The following ACOXL variants were observed in gnomAD, a reference collection of about 807,000 sequenced individuals.
The protein encoded by ACOXL is acyl-coenzyme A oxidase-like protein.
In ACOXL, 70 loss-of-function variants were observed where a neutral mutation model predicts 71.9. That is an observed-to-expected ratio of 0.97 (90% CI 0.80 to 1.19). The LOEUF (loss-of-function observed/expected upper bound fraction) is 1.19, where lower values mean the gene tolerates loss of function less well. Among genes scored for constraint, ACOXL ranks in the 50% most tolerant of loss-of-function variants. ACOXL has a pLI of 0.00. For synonymous variants in ACOXL, 253 were observed against 281.6 expected, an observed-to-expected ratio of 0.90 and a Z score of 1.02; for missense variants, 703 against 736.3, an observed-to-expected ratio of 0.95 and a Z score of 0.52.
rs746340058 is a variant in ACOXL at position 110,801,648 on chromosome 2, C to T, written c.548-4C>T. ...CATCCATTTCCCCTTTCTATTCTTG[C>T]CAGGTCTGCATGGTGTGGACAATGG... On this transcript the variant is annotated splice_polypyrimidine_tract_variant and splice_region_variant and intron_variant, in intron 7 of 17. Coordinates refer to ENST00000439055, the MANE Select transcript of ACOXL (RefSeq NM_001142807.4). 1.2e-6 allele frequency: 2 copies of T among 1,613,542 alleles called. No individual in the cohort carries two copies. Among genetic ancestry groups the T allele is most frequent in the South Asian group, 2.2e-5 (2 of 91,002 alleles).
At chr2:110,967,649 TGAAA>T (rs1458131221) in intron 12 of ACOXL, among the ~76,000 whole-genome samples, 5 of 152,198 alleles carry the variant, frequency 3.3e-5, no homozygotes, top group African/African-American at 1.2e-4. Context: ...GGGGAAAACC[TGAAA>T]GAAATGAAAG....
chr2:110,782,248 A>G (rs1449827290), intron 2 of ACOXL, among the ~76,000 whole-genome samples: 1 of 152,140 alleles, frequency 6.6e-6, no homozygotes. Context: ...TTGATTGATC[A>G]TTATCATCGT....
intron 10 of ACOXL, among the ~76,000 whole-genome samples, chr2:110,874,221 G>A (rs1319270828): frequency 6.6e-6 from 1 of 152,220 alleles, no homozygotes; most frequent in East Asian, 1.9e-4. Context: ...TGGGGGGGTG[G>A]TGAGGGGCTG....
chr2:110,800,716 T>G (rs1220937536), intron 7 of ACOXL, among the ~76,000 whole-genome samples: 1 of 152,068 alleles, frequency 6.6e-6, no homozygotes, highest in Non-Finnish European at 1.5e-5. Context: ...TCCTGGCCCC[T>G]TAGTGTTTAC....
intron 11 of ACOXL, among the ~76,000 whole-genome samples, chr2:110,920,648 T>C (rs2060031747): frequency 6.6e-6 from 1 of 152,160 alleles, no homozygotes; most frequent in African/African-American, 2.4e-5. Flanking sequence ...ATGTTCTTTT[T>C]TGAGAATTGT....
chr2:111,008,823 A>G (rs1186430387), intron 14 of ACOXL, among the ~76,000 whole-genome samples: 1 of 152,232 alleles, frequency 6.6e-6, no homozygotes, highest in African/African-American at 2.4e-5. Flanking sequence ...GATCAATGGT[A>G]ACTTCATGTA....
chr2:110,798,672 C>A lies in ACOXL; in HGVS notation c.408C>A (p.Tyr136Ter). The change falls in exon 6 of 18, where the codon TAC (tyrosine) becomes TAA (stop). Residue 136 changes from tyrosine (Y) to a stop codon, truncating the protein, a stop_gained. Transcript: ENST00000439055. LOFTEE classifies it high-confidence loss of function. Reference protein sequence around the residue: ...AEKMYIGNAMYGNYAAVFAQL... With the variant: ...AEKMYIGNAM ...AGATGTATATTGGAAATGCCATGTA[C>A]GGGAATTATGCAGCTGTCTTTGCCC... is the stretch of plus-strand genomic sequence containing the variant. 6.2e-7 allele frequency: 1 copy of A among 1,614,092 alleles called. No individual in the cohort carries two copies. The highest frequency in any genetic ancestry group is 8.5e-7 in the Non-Finnish European group (1 of 1,180,020).
At chr2:111,104,624 T>C (rs1331829880) in intron 17 of ACOXL, among the ~76,000 whole-genome samples, 1 of 152,240 alleles carries the variant, frequency 6.6e-6, no homozygotes, top group Non-Finnish European at 1.5e-5. Context: ...TTATTTGCCA[T>C]CTGTATGTTC....
chr2:110,914,192 G>GA (rs1459453387), intron 11 of ACOXL, among the ~76,000 whole-genome samples: 6 of 151,178 alleles, frequency 4.0e-5, no homozygotes, highest in Admixed American at 3.3e-4. Flanking sequence ...GAGAGAGGAG[G>GA]AAAAAAAAGA....
rs1267677970 is a variant in ACOXL at position 111,035,685 on chromosome 2, A to G, written c.1369+3971A>G. Among the ~76,000 whole-genome samples, 3 of 152,224 alleles carry G rather than the reference A, an allele frequency of 2.0e-5. No individual in the cohort carries two copies. The East Asian group carries it at 5.8e-4, about 29-fold the overall frequency. On this transcript the variant is annotated intron_variant, in intron 15 of 17. Coordinates refer to ENST00000439055, the MANE Select transcript of ACOXL (RefSeq NM_001142807.4). ...ATAATTAGAATATATAATAATGTGG[A>G]TTTCTGCCTATTGGGGATTAATTTC... is the stretch of plus-strand genomic sequence containing the variant.
At chr2:111,002,021 CTCTG>C in intron 14 of ACOXL, among the ~76,000 whole-genome samples, 1 of 151,872 alleles carries the variant, frequency 6.6e-6, no homozygotes, top group African/African-American at 2.4e-5. Context: ...GTCTCTCTGT[CTCTG>C]TCTTTCTCTC....
chr2:110,851,535 C>T (rs1692596850), intron 10 of ACOXL, among the ~76,000 whole-genome samples: 1 of 152,192 alleles, frequency 6.6e-6, no homozygotes, highest in Non-Finnish European at 1.5e-5. Context: ...CTAAGGCGTT[C>T]CACGACAACA....
At chr2:111,017,529 C>T (rs1027356068) in intron 14 of ACOXL, among the ~76,000 whole-genome samples, 4 of 152,166 alleles carry the variant, frequency 2.6e-5, no homozygotes, top group Non-Finnish European at 5.9e-5. Context: ...GGGGAGGAGG[C>T]ATTTAGAACC....
intron 10 of ACOXL, among the ~76,000 whole-genome samples, chr2:110,894,838 A>G (rs1359845668): frequency 1.3e-5 from 2 of 152,198 alleles, no homozygotes; most frequent in Non-Finnish European, 2.9e-5. Context: ...AGCAGTAATG[A>G]GGAGCCCAGC....
At chr2:110,751,078 C>T (rs1448522073) in intron 1 of ACOXL, among the ~76,000 whole-genome samples, 1 of 151,912 alleles carries the variant, frequency 6.6e-6, no homozygotes, top group Non-Finnish European at 1.5e-5. Flanking sequence ...GCAGGCGGAT[C>T]ATGAGGTCAG....
At chr2:110,935,940 C>A in intron 12 of ACOXL, among the ~76,000 whole-genome samples, 1 of 152,078 alleles carries the variant, frequency 6.6e-6, no homozygotes, top group East Asian at 1.9e-4. Context: ...TCATGAGGAG[C>A]GTGCAGATCT....
intron 10 of ACOXL, among the ~76,000 whole-genome samples, chr2:110,873,777 C>A (rs538046046): frequency 2.2e-4 from 33 of 152,324 alleles, no homozygotes; most frequent in Non-Finnish European, 3.5e-4. Flanking sequence ...TGTTCAATTG[C>A]GTTTTCTACG....
intron 10 of ACOXL, among the ~76,000 whole-genome samples, chr2:110,852,637 A>T (rs78207887): frequency 0.039 from 5,916 of 152,272 alleles, 215 homozygotes; most frequent in Non-Finnish European, 0.051. Context: ...TCTACATCAC[A>T]TGGGGGACTG....
At chr2:111,073,738 C>G (rs532655208) in intron 16 of ACOXL, among the ~76,000 whole-genome samples, 25 of 152,134 alleles carry the variant, frequency 1.6e-4, no homozygotes, top group East Asian at 5.8e-4. Flanking sequence ...TTTAGTGATT[C>G]TAGTTTCTTT....
Sources: gnomAD v4.1 joint callset for allele counts (sites outside exome capture counted in the v4.1 genomes callset) on GRCh38, gnomAD v4.1.1 for gene constraint, MANE v1.5 for transcripts, NCBI Gene and HGNC (gene_info 2026-07-23, HGNC 2026-07-21) for gene names.